Variants in KLF13 observed in about 807,000 individuals in gnomAD.
KLF13 encodes the protein KLF transcription factor 13, also known as Krueppel-like factor 13.
KLF13 carries 8 observed loss-of-function variants against 16.7 expected under a neutral mutation model. The ratio of observed to expected loss-of-function variants is 0.48; its 90% CI spans 0.28 to 0.87. The LOEUF (loss-of-function observed/expected upper bound fraction) is 0.87. Among genes scored for constraint, KLF13 ranks in the 40% least tolerant of loss-of-function variants. The pLI is 0.10. For synonymous variants in KLF13, 245 were observed against 208.4 expected, an observed-to-expected ratio of 1.18 and a Z score of -1.51; for missense variants, 447 against 452.2, an observed-to-expected ratio of 0.99 and a Z score of 0.10.
chr15:31,342,539 C>T lies in KLF13; in HGVS notation c.577+14750C>T, dbSNP rs146126222. Among the ~76,000 whole-genome samples, 264 of 152,310 alleles carry T rather than the reference C, an allele frequency of 1.7e-3. 2 individuals carry two copies. The highest frequency in any genetic ancestry group is 5.6e-3 in the African/African-American group (233 of 41,572). ...TTCAAGTGGGGCGAGCTCATCGCTGCGGTCGGCATCTCAGCCATCAGCAGC... is the reference window on the plus strand; with the variant it reads ...TTCAAGTGGGGCGAGCTCATCGCTGTGGTCGGCATCTCAGCCATCAGCAGC... On this transcript the variant is annotated intron_variant, in intron 1 of 1. Coordinates refer to ENST00000307145, the MANE Select transcript of KLF13 (RefSeq NM_015995.4).
At chr15:31,415,000 C>T (rs754396187) in intron 1 of KLF13, among the ~76,000 whole-genome samples, 2 of 152,184 alleles carry the variant, frequency 1.3e-5, no homozygotes, top group Non-Finnish European at 2.9e-5. Context: ...GTGCTATCCT[C>T]ATATTAATGA....
rs530939517 is a variant in KLF13, at chr15:31,374,236, C to T, written c.*1937C>T. ...ACCACTGTGTGTCAGCTGGGATTGG[C>T]CGACAGCGTGGTGGTGACTTCTAGG... is the stretch of plus-strand genomic sequence containing the variant. On this transcript the variant is annotated 3_prime_UTR_variant, in exon 2 of 2. Transcript: ENST00000307145. 9.8e-5 allele frequency: 15 copies of T among 152,784 alleles called. No individual in the cohort carries two copies. The South Asian group carries it at 2.9e-3, about 29-fold the overall frequency. The allele number at this position is 152,784 out of a possible 1,614,324, so 9.5% of individuals were successfully genotyped here.
intron 1 of KLF13, among the ~76,000 whole-genome samples, chr15:31,328,798 C>T (rs986248244): frequency 4.6e-5 from 7 of 152,168 alleles, no homozygotes; most frequent in Non-Finnish European, 1.0e-4. Flanking sequence ...GGACGGCAAT[C>T]CTTCCCCATT....
intron 1 of KLF13, among the ~76,000 whole-genome samples, chr15:31,348,084 C>T (rs530777068): frequency 3.9e-5 from 6 of 152,218 alleles, no homozygotes; most frequent in Admixed American, 1.3e-4. Flanking sequence ...AGGCAGGCCT[C>T]GAACCCCAGG....
intron 1 of KLF13, among the ~76,000 whole-genome samples, chr15:31,349,487 C>G (rs149866010): frequency 6.6e-6 from 1 of 152,178 alleles, no homozygotes; most frequent in Non-Finnish European, 1.5e-5. Context: ...GCACTTGCCT[C>G]GTTCTGCACT....
At chr15:31,328,347 T>C (rs1157612625) in intron 1 of KLF13, among the ~76,000 whole-genome samples, 1 of 151,870 alleles carries the variant, frequency 6.6e-6, no homozygotes, top group African/African-American at 2.4e-5. Flanking sequence ...CTTCCTGTAA[T>C]TTTTCCAGCG....
At chr15:31,351,854 A>G (rs2039222065) in intron 1 of KLF13, among the ~76,000 whole-genome samples, 1 of 152,158 alleles carries the variant, frequency 6.6e-6, no homozygotes, top group South Asian at 2.1e-4. Context: ...CTCTACTAAA[A>G]ATACAAAAAT....
At chr15:31,334,327 C>T (rs756706096) in intron 1 of KLF13, among the ~76,000 whole-genome samples, 9 of 152,186 alleles carry the variant, frequency 5.9e-5, no homozygotes, top group Non-Finnish European at 1.2e-4. Context: ...GGGCCTACGG[C>T]GGGTGACACT....
chr15:31,390,404 A>T (rs2039846589), upstream of KLF13, among the ~76,000 whole-genome samples: 1 of 152,176 alleles, frequency 6.6e-6, no homozygotes, highest in Non-Finnish European at 1.5e-5. Flanking sequence ...CTTGATTCAT[A>T]ATTTGGCCTA....
Position 31,383,671 on chromosome 15 carries a change from C to T in KLF13, n.224-51699C>T, listed in dbSNP as rs370176302. ...ATCCCAGCACTTTGGGAGGCCAAGGCGGGCAGATCACGAGGTCAGGAGATC... is the reference window on the plus strand; with the variant it reads ...ATCCCAGCACTTTGGGAGGCCAAGGTGGGCAGATCACGAGGTCAGGAGATC... On this transcript the variant is annotated intron_variant and non_coding_transcript_variant, in intron 1 of 1. Coordinates refer to the KLF13 transcript ENST00000558921. 7.9e-4 allele frequency among the ~76,000 whole-genome samples: 120 copies of T among 152,306 alleles called. 2 individuals are homozygous for T. The East Asian group carries it at 0.012, about 15-fold the overall frequency.
intron 1 of KLF13, among the ~76,000 whole-genome samples, chr15:31,339,041 C>T (rs542526790): frequency 1.1e-3 from 166 of 152,190 alleles, no homozygotes; most frequent in Non-Finnish European, 1.9e-3. Flanking sequence ...TTCTTCCGCC[C>T]TCTGGGGATG....
chr15:31,390,860 G>C (rs543376708), upstream of KLF13, among the ~76,000 whole-genome samples: 2 of 151,952 alleles, frequency 1.3e-5, no homozygotes, highest in African/African-American at 4.8e-5. Context: ...TCCCTGAGCT[G>C]AAACAGGCTT....
chr15:31,344,613 G>T (rs966541819), intron 1 of KLF13, among the ~76,000 whole-genome samples: 4 of 152,268 alleles, frequency 2.6e-5, no homozygotes, highest in African/African-American at 9.6e-5. Context: ...GGACTGTGGG[G>T]GTTTGGGCCA....
At chr15:31,327,945 C>T (rs1179103918) in intron 1 of KLF13, among the ~76,000 whole-genome samples, 156 bp downstream of exon 1, 1 of 147,846 alleles carries the variant, frequency 6.8e-6, no homozygotes, top group African/African-American at 2.4e-5. Flanking sequence ...CGACCCGCGG[C>T]TGGCCCCGCG....
At chr15:31,413,972 T>A (rs28882498) in intron 1 of KLF13, among the ~76,000 whole-genome samples, 18,813 of 152,044 alleles carry the variant, frequency 0.12, 3,399 homozygotes, top group African/African-American at 0.4. Context: ...GTCACAAAGG[T>A]GGTAAGTGGG....
At chr15:31,398,006 G>A (rs979105514) in intron 2 of KLF13, among the ~76,000 whole-genome samples, 1 of 152,102 alleles carries the variant, frequency 6.6e-6, no homozygotes, top group South Asian at 2.1e-4. Context: ...TCGACCCTGA[G>A]TTTATCTTGG....
intron 1 of KLF13, among the ~76,000 whole-genome samples, chr15:31,353,664 C>A (rs898256184): frequency 6.6e-6 from 1 of 152,254 alleles, no homozygotes; most frequent in Non-Finnish European, 1.5e-5. Context: ...ATCCTCCCCC[C>A]AAAGGGAGAC....
intron 1 of KLF13, among the ~76,000 whole-genome samples, chr15:31,342,787 C>A (rs894957130): frequency 5.3e-5 from 8 of 152,176 alleles, no homozygotes; most frequent in African/African-American, 1.9e-4. Context: ...AAGCATGAGG[C>A]CTTCTTGAGG....
At chr15:31,335,158 C>G (rs941533375) in intron 1 of KLF13, among the ~76,000 whole-genome samples, 3 of 152,074 alleles carry the variant, frequency 2.0e-5, no homozygotes, top group Admixed American at 6.6e-5. Flanking sequence ...AACATAGTGG[C>G]TATGTGGAAC....
Sources: gnomAD v4.1 joint callset for allele counts (sites outside exome capture counted in the v4.1 genomes callset) on GRCh38, gnomAD v4.1.1 for gene constraint, MANE v1.5 for transcripts, NCBI Gene and HGNC (gene_info 2026-07-23, HGNC 2026-07-21) for gene names.